Variants in CYP3A4 observed in about 807,000 individuals in gnomAD.
CYP3A4 encodes the protein cytochrome P450 family 3 subfamily A member 4.
Under a neutral mutation model 54.9 loss-of-function variants are expected in CYP3A4, and 41 were observed. That is an observed-to-expected ratio of 0.75 (90% CI 0.58 to 0.97). CYP3A4 has a LOEUF of 0.97. CYP3A4 is among the 50% of genes least tolerant of loss of function. The pLI is 0.00. For missense variants in CYP3A4, 510 were observed against 597.3 expected (o/e 0.85, Z 1.52); for synonymous variants, 179 against 205.2 (o/e 0.87, Z 1.09).
At position 99,780,053 on chromosome 7, in the gene CYP3A4, T is replaced by C. The variant is rs765739949; in HGVS notation, c.104A>G (p.Lys35Arg). The C allele has an allele frequency of 6.2e-7, 1 of 1,613,646 alleles. No homozygotes were observed. The highest frequency in any genetic ancestry group is 8.5e-7 in the Non-Finnish European group (1 of 1,179,668). Reference sequence around the variant, plus strand: ...AGGTGTGGGCCCTGGAATTCCAAGCTTCTTAAAAAGTCCATGTGAATGGGT... The same window carrying C: ...AGGTGTGGGCCCTGGAATTCCAAGCCTCTTAAAAAGTCCATGTGAATGGGT... ...YGTHSHGLFK[K>R]LGIPGPTPLP... The change falls in exon 2 of 13, where the codon AAG becomes AGG. Residue 35 changes from lysine (K) to arginine (R), a missense_variant. Physicochemically the swap from Lys to Arg is conservative, Grantham distance 26 (BLOSUM62 2). This residue lies in a region of CYP3A4 where 272 missense variants were observed against 274.9 expected (regional missense o/e 0.99). Transcript: ENST00000651514.
intron 3 of CYP3A4, among the ~76,000 whole-genome samples, chr7:99,774,899 G>A (rs190778695): frequency 2.9e-4 from 44 of 152,274 alleles, no homozygotes; most frequent in African/African-American, 1.0e-3. Flanking sequence ...AAGTCAAATT[G>A]TCTCTGTTTG....
intron 9 of CYP3A4, among the ~76,000 whole-genome samples, chr7:99,765,208 A>G (rs1299536672): frequency 6.6e-6 from 1 of 152,230 alleles, no homozygotes; most frequent in Admixed American, 6.5e-5. Flanking sequence ...GCCACTACCC[A>G]CTAGTGGCTA....
chr7:99,775,833 T>C (rs1156874741), intron 3 of CYP3A4, among the ~76,000 whole-genome samples: 1 of 152,018 alleles, frequency 6.6e-6, no homozygotes, highest in African/African-American at 2.4e-5. Flanking sequence ...AAAGCCAAAA[T>C]TGACAAATGG....
chr7:99,772,473 T>A (rs557642969), intron 4 of CYP3A4, 117 bp downstream of exon 4: 3 of 1,262,066 alleles, frequency 2.4e-6, no homozygotes, highest in African/African-American at 3.0e-5. Flanking sequence ...GGGGACAGGA[T>A]GAAGTGGACG....
chr7:99,767,771 A>G (rs1235330526), intron 7 of CYP3A4, among the ~76,000 whole-genome samples: 2 of 152,208 alleles, frequency 1.3e-5, no homozygotes, highest in Admixed American at 6.5e-5. Flanking sequence ...GTCAAAGTAG[A>G]AACCAAAAGG....
chr7:99,777,965 G>T, intron 3 of CYP3A4, 63 bp downstream of exon 3: 1 of 1,319,546 alleles, frequency 7.6e-7, no homozygotes, highest in Non-Finnish European at 1.1e-6. Context: ...ACTGTCCTCT[G>T]TGCAGTGGGG....
In CYP3A4 at chr7:99,784,028, G is replaced by C. The variant is rs763532571; in HGVS notation, c.54C>G (p.Ser18Arg). Residue 18 changes from serine (S) to arginine (R), a missense_variant, in exon 1 of 13, where the codon AGC becomes AGG. Physicochemically the swap from Ser to Arg is moderately radical, Grantham distance 110. Transcript: ENST00000651514. Reference protein sequence around the residue: ...AMETWLLLAVSLVLLYLYGTH... With the variant: ...AMETWLLLAVRLVLLYLYGTH... ...TTACTCACAGATAGAGGAGCACCAG[G>C]CTGACAGCCAGGAGAAGCCAGGTTT... 6.2e-7 allele frequency: 1 copy of C among 1,613,834 alleles called. No homozygotes were observed. The highest frequency in any genetic ancestry group is 1.7e-5 in the Admixed American group (1 of 59,988).
rs1487496664 is a variant in CYP3A4 at position 99,757,865 on chromosome 7, G to A, written c.*268C>T. ...TCAGGAGGAGTTAATGGTGCTAACT[G>A]GGGGTGGTGGAAATAGTCCCGTGAG... On this transcript the variant is annotated 3_prime_UTR_variant, in exon 13 of 13. Coordinates refer to ENST00000651514, the MANE Select transcript of CYP3A4 (RefSeq NM_017460.6). 16 of 383,366 alleles carry A rather than the reference G, an allele frequency of 4.2e-5. No individual in the cohort carries two copies. The highest frequency in any genetic ancestry group is 6.7e-5 in the Non-Finnish European group (14 of 207,526). 23.7% of individuals were successfully genotyped at this position (383,366 alleles called of 1,614,324 possible).
chr7:99,781,086 G>T (rs186002076), intron 1 of CYP3A4, among the ~76,000 whole-genome samples: 1 of 152,274 alleles, frequency 6.6e-6, no homozygotes, highest in Non-Finnish European at 1.5e-5. Flanking sequence ...CCCGCCTTAG[G>T]TGTTGTCCTC....
At chr7:99,758,377 C>G in intron 12 of CYP3A4, 149 bp from the exon 13 acceptor site, 1 of 852,398 alleles carries the variant, frequency 1.2e-6, no homozygotes, top group Non-Finnish European at 1.9e-6. Context: ...AAAAAAAATG[C>G]AGTAATGACA....
In CYP3A4 at chr7:99,779,987, C is replaced by T. The variant is rs200901089; in HGVS notation, c.165+5G>A. 115 of 1,610,860 alleles carry T rather than the reference C, an allele frequency of 7.1e-5. No individual in the cohort carries two copies. The highest frequency in any genetic ancestry group is 9.4e-5 in the Non-Finnish European group (111 of 1,177,438). On this transcript the variant is annotated splice_donor_5th_base_variant and intron_variant, in intron 2 of 12. Transcript: ENST00000651514. ...AAGCAAAAGAGTGAGCTCAAAAACA[C>T]TCACCTTATGGTAGGACAAAATATT...
chr7:99,777,245 C>T (rs1328289409), intron 3 of CYP3A4, among the ~76,000 whole-genome samples: 1 of 150,908 alleles, frequency 6.6e-6, no homozygotes, highest in Non-Finnish European at 1.5e-5. Context: ...AATAAAAGGG[C>T]ACCTAAGGAA....
At chr7:99,759,904 G>A (rs182554350) in intron 12 of CYP3A4, among the ~76,000 whole-genome samples, 2 of 151,786 alleles carry the variant, frequency 1.3e-5, no homozygotes, top group East Asian at 1.9e-4. Context: ...GCCCAATCTC[G>A]GCTCACTGCA....
intron 3 of CYP3A4, among the ~76,000 whole-genome samples, chr7:99,773,667 T>C (rs145390637): frequency 6.6e-6 from 1 of 152,188 alleles, no homozygotes; most frequent in Admixed American, 6.5e-5. Flanking sequence ...AGGCACAATG[T>C]ACCAGAATCT....
chr7:99,784,084 C>G lies in CYP3A4; in HGVS notation c.-3G>C. ...GCCAAGTCTGGGATGAGAGCCATCA[C>G]TACTTTCCTTACTTATCTCTCTCCT... On this transcript the variant is annotated 5_prime_UTR_variant, in exon 1 of 13. Transcript: ENST00000651514. 5 of 1,613,436 alleles carry G rather than the reference C, an allele frequency of 3.1e-6. No homozygotes were observed. Among genetic ancestry groups the G allele is most frequent in the Non-Finnish European group, 4.2e-6 (5 of 1,179,424 alleles).
At chr7:99,762,302 A>ATTTTGAAT in intron 10 of CYP3A4, 35 bp from the exon 11 acceptor site, 1 of 1,607,262 alleles carries the variant, frequency 6.2e-7, no homozygotes, top group East Asian at 2.2e-5. Context: ...ATAAATTGAG[A>ATTTTGAAT]TTTTGAATTA....
chr7:99,759,735 G>C (rs1464889276), intron 12 of CYP3A4, among the ~76,000 whole-genome samples: 1 of 152,216 alleles, frequency 6.6e-6, no homozygotes, highest in Non-Finnish European at 1.5e-5. Context: ...TAACAGAGCA[G>C]AGAAGTAAAT....
At position 99,761,906 on chromosome 7, in the gene CYP3A4, A is replaced by G. The variant is rs1375286081; in HGVS notation, c.1253+135T>C. On this transcript the variant is annotated intron_variant, in intron 11 of 12. Coordinates refer to ENST00000651514, the MANE Select transcript of CYP3A4 (RefSeq NM_017460.6). ...AAGTGTGACAATAATCAATTTGATGATTAAAAAAATCTCTAAATATAAAAA... is the reference window on the plus strand; with the variant it reads ...AAGTGTGACAATAATCAATTTGATGGTTAAAAAAATCTCTAAATATAAAAA... The G allele has an allele frequency of 2.8e-5, 24 of 846,188 alleles. No individual in the cohort carries two copies. The East Asian group carries it at 4.0e-4, about 14-fold the overall frequency. 52.4% of individuals were successfully genotyped at this position (846,188 alleles called of 1,614,324 possible).
At position 99,767,328 on chromosome 7, in the gene CYP3A4, T is replaced by C. The variant is rs532495768; in HGVS notation, c.671-70A>G. The C allele has an allele frequency of 8.0e-6, 11 of 1,368,708 alleles. No homozygotes were observed. The East Asian group carries it at 2.6e-4, about 33-fold the overall frequency. The allele number at this position is 1,368,708 out of a possible 1,614,324, so 84.8% of individuals were successfully genotyped here. Reference sequence around the variant, plus strand: ...AATGTGCAAAATTTACCTGGAGCAATTCTAGTTTTCTCTACCAACCAGAAG... The same window carrying C: ...AATGTGCAAAATTTACCTGGAGCAACTCTAGTTTTCTCTACCAACCAGAAG... On this transcript the variant is annotated intron_variant, in intron 7 of 12. Coordinates refer to ENST00000651514, the MANE Select transcript of CYP3A4 (RefSeq NM_017460.6).
Sources: allele counts gnomAD v4.1 joint callset (sites outside exome capture counted in the v4.1 genomes callset), GRCh38; gene constraint gnomAD v4.1.1; regional missense constraint gnomAD v4.1.1; transcripts MANE v1.5; gene names NCBI Gene and HGNC (gene_info 2026-07-23, HGNC 2026-07-21).